Variants in RAB38 observed in about 807,000 individuals in gnomAD.
The protein encoded by RAB38 is ras-related protein Rab-38.
In RAB38, 15 loss-of-function variants were observed where a neutral mutation model predicts 18.4. The ratio of observed to expected loss-of-function variants is 0.82; its 90% CI spans 0.55 to 1.26. The LOEUF is 1.26. Among genes scored for constraint, RAB38 ranks in the 50% most tolerant of loss-of-function variants. The probability of loss-of-function intolerance (pLI) is 0.00; values close to 1 mark genes in which losing one functional copy is unlikely to be tolerated. For synonymous variants in RAB38, 101 were observed against 104.4 expected, an observed-to-expected ratio of 0.97 and a Z score of 0.20; for missense variants, 294 against 267.4, an observed-to-expected ratio of 1.10 and a Z score of -0.69.
chr11:88,042,078 T>G, the RAB38 span, among the ~76,000 whole-genome samples: 1 of 152,104 alleles, frequency 6.6e-6, no homozygotes, highest in Non-Finnish European at 1.5e-5. Flanking sequence ...TTCTAAAATT[T>G]AAAGGCCGTT....
rs551040165 is a variant in RAB38, at chr11:88,161,365, C to CT, written c.203-11411dup. Among the ~76,000 whole-genome samples, 438 of 152,212 alleles carry CT rather than the reference C, an allele frequency of 2.9e-3. 2 individuals are homozygous for CT. The highest frequency in any genetic ancestry group is 9.5e-3 in the African/African-American group (396 of 41,562). ...ACATCCTTCAAATGTGCCCTTAAATCTCACCACATTTGTGCATACTTCCCT... is the reference window on the plus strand; with the variant it reads ...ACATCCTTCAAATGTGCCCTTAAATCTTCACCACATTTGTGCATACTTCCCT... On this transcript the variant is annotated intron_variant, in intron 1 of 2. Transcript: ENST00000243662.
the RAB38 span, among the ~76,000 whole-genome samples, chr11:88,097,340 A>T: frequency 1.3e-5 from 2 of 151,846 alleles, no homozygotes; most frequent in Non-Finnish European, 2.9e-5. Flanking sequence ...GAAACAAAGC[A>T]CTCCATCTGT....
chr11:87,925,023 C>T, the RAB38 span, among the ~76,000 whole-genome samples: 2 of 152,008 alleles, frequency 1.3e-5, no homozygotes, highest in South Asian at 2.1e-4. Flanking sequence ...TTGGTGTGCT[C>T]AGTGGTAGGG....
the RAB38 span, among the ~76,000 whole-genome samples, chr11:88,012,517 T>C: frequency 3.3e-5 from 5 of 152,260 alleles, no homozygotes; most frequent in South Asian, 1.0e-3. Flanking sequence ...ACAGCTAGCA[T>C]ACCTGGTAGC....
At chr11:87,894,920 G>C in the RAB38 span, among the ~76,000 whole-genome samples, 4 of 151,494 alleles carry the variant, frequency 2.6e-5, no homozygotes, top group African/African-American at 9.7e-5. Flanking sequence ...GAAGAAGAAA[G>C]GATTAAGTAG....
the RAB38 span, among the ~76,000 whole-genome samples, chr11:87,860,928 C>G: frequency 6.6e-6 from 1 of 151,722 alleles, no homozygotes; most frequent in South Asian, 2.1e-4. Context: ...GATATCAGTT[C>G]AAAAGAAGCC....
intron 2 of RAB38, among the ~76,000 whole-genome samples, chr11:88,115,051 A>G (rs1405541632): frequency 1.3e-5 from 2 of 152,248 alleles, no homozygotes; most frequent in East Asian, 3.8e-4. Flanking sequence ...ATTTGAATCT[A>G]AAATATGTCA....
At chr11:87,808,327 A>G in the RAB38 span, among the ~76,000 whole-genome samples, 1 of 152,206 alleles carries the variant, frequency 6.6e-6, no homozygotes, top group African/African-American at 2.4e-5. Flanking sequence ...TAACAGATGA[A>G]AGGATAAAGA....
At chr11:87,848,807 C>T in the RAB38 span, among the ~76,000 whole-genome samples, 3 of 152,150 alleles carry the variant, frequency 2.0e-5, no homozygotes, top group Non-Finnish European at 4.4e-5. Context: ...AATTAACTAC[C>T]GGAAAATCAG....
At chr11:87,856,938 T>C in the RAB38 span, among the ~76,000 whole-genome samples, 1 of 152,142 alleles carries the variant, frequency 6.6e-6, no homozygotes, top group Non-Finnish European at 1.5e-5. Flanking sequence ...TATGTATACA[T>C]GTGCCATGTT....
At chr11:88,119,158 T>C (rs1942597704) in intron 2 of RAB38, among the ~76,000 whole-genome samples, 1 of 152,048 alleles carries the variant, frequency 6.6e-6, no homozygotes, top group Non-Finnish European at 1.5e-5. Flanking sequence ...AAAACAAATA[T>C]GTTACCAGGG....
chr11:87,897,555 A>C, the RAB38 span, among the ~76,000 whole-genome samples: 1 of 151,618 alleles, frequency 6.6e-6, no homozygotes, highest in Admixed American at 6.6e-5. Context: ...ATAAAACTGA[A>C]AAGCAGCAGA....
At chr11:88,006,614 A>G in the RAB38 span, among the ~76,000 whole-genome samples, 4 of 103,886 alleles carry the variant, frequency 3.9e-5, no homozygotes, top group Non-Finnish European at 6.1e-5. Flanking sequence ...CACATTATAT[A>G]TATGTATATA....
At chr11:87,894,464 A>G in the RAB38 span, among the ~76,000 whole-genome samples, 16 of 151,648 alleles carry the variant, frequency 1.1e-4, no homozygotes, top group Non-Finnish European at 1.5e-5. Flanking sequence ...GTTCCGACAT[A>G]CTTTGGACTA....
the RAB38 span, among the ~76,000 whole-genome samples, chr11:87,874,737 C>T: frequency 6.6e-6 from 1 of 150,642 alleles, no homozygotes; most frequent in Non-Finnish European, 1.5e-5. Flanking sequence ...AAATTAAATC[C>T]ACAAAGAGAT....
At chr11:88,086,842 C>T in the RAB38 span, among the ~76,000 whole-genome samples, 1 of 151,848 alleles carries the variant, frequency 6.6e-6, no homozygotes, top group Admixed American at 6.6e-5. Flanking sequence ...GCGGACTATT[C>T]TGGAGCAGAT....
chr11:87,886,304 G>C, the RAB38 span, among the ~76,000 whole-genome samples: 1 of 149,398 alleles, frequency 6.7e-6, no homozygotes, highest in South Asian at 2.1e-4. Flanking sequence ...GGAAAAAACG[G>C]ACTATGTTGT....
At chr11:87,839,045 C>G in the RAB38 span, among the ~76,000 whole-genome samples, 1 of 152,162 alleles carries the variant, frequency 6.6e-6, no homozygotes, top group Admixed American at 6.5e-5. Context: ...GTAAAGTGTG[C>G]TACTATCCAT....
At chr11:87,840,180 A>T in the RAB38 span, among the ~76,000 whole-genome samples, 1 of 152,182 alleles carries the variant, frequency 6.6e-6, no homozygotes, top group Non-Finnish European at 1.5e-5. Flanking sequence ...AAATGAAAGG[A>T]AGAGTTGGGA....
Sources: gnomAD v4.1 joint callset for allele counts (sites outside exome capture counted in the v4.1 genomes callset) on GRCh38, gnomAD v4.1.1 for gene constraint, MANE v1.5 for transcripts, NCBI Gene and HGNC (gene_info 2026-07-23, HGNC 2026-07-21) for gene names.